TMEM218: variants seen among roughly 807,000 people sequenced by gnomAD.
The protein encoded by TMEM218 is transmembrane protein 218.
TMEM218 carries 8 observed loss-of-function variants against 10.0 expected under a neutral mutation model. The ratio of observed to expected loss-of-function variants is 0.80; its 90% CI spans 0.47 to 1.44. The LOEUF (loss-of-function observed/expected upper bound fraction) is 1.44. Ranked by LOEUF, TMEM218 falls within the 40% of genes most tolerant of loss-of-function variation. The probability of loss-of-function intolerance (pLI) is 0.00; values close to 1 mark genes in which losing one functional copy is unlikely to be tolerated. For missense variants in TMEM218, 110 were observed against 140.1 expected (o/e 0.79, Z 1.08); for synonymous variants, 66 against 63.5 (o/e 1.04, Z -0.18).
chr11:125,097,856 C>T, intron 4 of TMEM218, 116 bp from the exon 5 acceptor site: 1 of 955,988 alleles, frequency 1.0e-6, no homozygotes, highest in Non-Finnish European at 1.6e-6. Flanking sequence ...CTTCCAGTAA[C>T]ATCCTGCCCT....
intron 1 of TMEM218, among the ~76,000 whole-genome samples, chr11:125,106,494 A>G (rs1393385788): frequency 6.6e-6 from 1 of 152,244 alleles, no homozygotes; most frequent in Non-Finnish European, 1.5e-5. Flanking sequence ...ATTTTAATAT[A>G]TGTCTCAGAA....
At chr11:125,110,334 A>T (rs567577118) in intron 1 of TMEM218, among the ~76,000 whole-genome samples, 1 of 152,326 alleles carries the variant, frequency 6.6e-6, no homozygotes, top group Admixed American at 6.5e-5. Flanking sequence ...GAGTGAAAAA[A>T]AATAATTTAA....
intron 1 of TMEM218, among the ~76,000 whole-genome samples, chr11:125,110,148 T>C (rs7111592): frequency 0.44 from 66,632 of 152,020 alleles, 15,067 homozygotes; most frequent in Middle Eastern, 0.54. Context: ...ATAATATCTG[T>C]GATAATTTCC....
At chr11:125,103,421 T>C (rs1951344541) in intron 1 of TMEM218, 1 of 152,246 alleles carries the variant, frequency 6.6e-6, no homozygotes, top group Non-Finnish European at 1.5e-5. Flanking sequence ...ATCAGTGCTC[T>C]AGGGGAGAAT....
chr11:125,098,257 T>C (rs973606669), intron 4 of TMEM218, among the ~76,000 whole-genome samples: 1 of 151,774 alleles, frequency 6.6e-6, no homozygotes, highest in African/African-American at 2.4e-5. Context: ...AGCGGAAGAG[T>C]CCCATGCCAC....
intron 1 of TMEM218, chr11:125,110,854 G>A (rs1008489028): frequency 4.9e-5 from 7 of 142,740 alleles, no homozygotes; most frequent in African/African-American, 1.3e-4. Context: ...AAATAACGGG[G>A]GGGGGGGGTT....
At chr11:125,111,263 C>T (rs1953933372) in intron 1 of TMEM218, among the ~76,000 whole-genome samples, 1 of 152,200 alleles carries the variant, frequency 6.6e-6, no homozygotes, top group South Asian at 2.1e-4. Flanking sequence ...AGAATGTGCA[C>T]CTGGCCACCT....
At chr11:125,107,382 CATGTGTA>C (rs1952453412) in intron 1 of TMEM218, among the ~76,000 whole-genome samples, 2 of 152,084 alleles carry the variant, frequency 1.3e-5, no homozygotes, top group Non-Finnish European at 2.9e-5. Context: ...ATGTATCAGC[CATGTGTA>C]GTATATGGAC....
intron 1 of TMEM218, among the ~76,000 whole-genome samples, chr11:125,107,851 T>G (rs569734723): frequency 6.7e-6 from 1 of 150,328 alleles, no homozygotes; most frequent in Admixed American, 6.6e-5. Context: ...TGAGTAAGAT[T>G]TGTATAGCTA....
At chr11:125,099,921 CAAAAAAA>C in intron 4 of TMEM218, among the ~76,000 whole-genome samples, 1 of 100,360 alleles carries the variant, frequency 1.0e-5, no homozygotes, top group Non-Finnish European at 1.9e-5. Flanking sequence ...GAGACTGTCT[CAAAAAAA>C]AAAAAAAAAA....
rs1048755516 is a variant in TMEM218, at chr11:125,108,191, T to C, written c.-153+3348A>G. 3.9e-5 allele frequency among the ~76,000 whole-genome samples: 6 copies of C among 152,040 alleles called. No homozygotes were observed. Among genetic ancestry groups the C allele is most frequent in the Non-Finnish European group, 8.8e-5 (6 of 67,994 alleles). ...AGACACATTGAAAAACCAAAGTAAT[T>C]AAAACAGTGTGATAGTGGCACAAAG... On this transcript the variant is annotated intron_variant, in intron 1 of 4. Coordinates refer to ENST00000682305, the MANE Select transcript of TMEM218 (RefSeq NM_001258244.2). The surrounding 1 kb of genome is among the most constrained non-coding windows in gnomAD (Gnocchi z 5.3).
At position 125,094,399 on chromosome 11, in the gene TMEM218, A is replaced by G. The variant is rs1565405253; in HGVS notation, c.*3207T>C. Among the ~76,000 whole-genome samples, 1 of 152,246 alleles carries G rather than the reference A, an allele frequency of 6.6e-6. No individual in the cohort carries two copies. Among genetic ancestry groups the G allele is most frequent in the Admixed American group, 6.5e-5 (1 of 15,284 alleles). On this transcript the variant is annotated 3_prime_UTR_variant, in exon 5 of 5. Coordinates refer to ENST00000682305, the MANE Select transcript of TMEM218 (RefSeq NM_001258244.2). ...TTATTCATACTAAAATGATCATTAGAATCCTTTAATGAAACTTTTACCTTT... is the reference window on the plus strand; with the variant it reads ...TTATTCATACTAAAATGATCATTAGGATCCTTTAATGAAACTTTTACCTTT...
intron 3 of TMEM218, 73 bp from the exon 4 acceptor site, chr11:125,101,376 C>T: frequency 6.5e-7 from 1 of 1,527,960 alleles, no homozygotes. Context: ...TCTGGACAGT[C>T]TCTTCCTTGG....
At chr11:125,101,094 C>A in intron 4 of TMEM218, 107 bp downstream of exon 4, 2 of 853,672 alleles carry the variant, frequency 2.3e-6, no homozygotes, top group South Asian at 3.6e-5. Flanking sequence ...ACAATTCTGA[C>A]ATCTCAGGCA....
rs1047107391 is a variant in TMEM218 at position 125,102,490 on chromosome 11, T to C, written c.-76-173A>G. On this transcript the variant is annotated intron_variant, in intron 2 of 4. Transcript: ENST00000682305. The stretch of plus-strand genomic sequence containing the variant: ...ATTTAGAACCCAAAGCCTTTCTCTT[T>C]GGTGGGGACTGAGAGGGTGTTTTCC... The C allele has an allele frequency of 4.1e-6, 6 of 1,455,720 alleles. No homozygotes were observed. In the African/African-American group the frequency reaches 4.3e-5, roughly 10 times the overall value. The allele number at this position is 1,455,720 out of a possible 1,614,324, so 90.2% of individuals were successfully genotyped here.
Position 125,094,663 on chromosome 11 carries a change from C to T in TMEM218, c.*2943G>A, listed in dbSNP as rs1275923718. On this transcript the variant is annotated 3_prime_UTR_variant, in exon 5 of 5. Coordinates refer to ENST00000682305, the MANE Select transcript of TMEM218 (RefSeq NM_001258244.2). ...AATAATCACAGCAGGTTTCTTTACA[C>T]ATTGAGCAAAAAATAAACCAGAAAC... Among the ~76,000 whole-genome samples, 1 of 152,146 alleles carries T rather than the reference C, an allele frequency of 6.6e-6. No homozygotes were observed. Among genetic ancestry groups the T allele is most frequent in the Non-Finnish European group, 1.5e-5 (1 of 68,032 alleles).
At chr11:125,102,985 T>G (rs1403188115) in intron 1 of TMEM218, 176 bp from the exon 2 acceptor site, 3 of 244,456 alleles carry the variant, frequency 1.2e-5, no homozygotes, top group African/African-American at 6.8e-5. Flanking sequence ...AGTTTCCTAA[T>G]TAGCAGCTCA....
chr11:125,106,594 C>T lies in TMEM218; in HGVS notation c.-152-3785G>A, dbSNP rs371381331. Reference sequence around the variant, plus strand: ...AAATATGTAAAAAGGTGCTCAACTTCATTAGTCATCCGGAAATTGCAAATT... The same window carrying T: ...AAATATGTAAAAAGGTGCTCAACTTTATTAGTCATCCGGAAATTGCAAATT... On this transcript the variant is annotated intron_variant, in intron 1 of 4. Transcript: ENST00000682305. 1.2e-4 allele frequency among the ~76,000 whole-genome samples: 18 copies of T among 152,332 alleles called. No homozygotes were observed. In the East Asian group the frequency reaches 3.3e-3, roughly 28 times the overall value.
rs1038365707 is a variant in TMEM218 at position 125,102,516 on chromosome 11, G to A, written c.-76-199C>T. ...GGTGGGGACTGAGAGGGTGTTTTCC[G>A]CTCTGCGCTCAGAAGTTTTTTCTGA... is the stretch of plus-strand genomic sequence containing the variant. On this transcript the variant is annotated intron_variant, in intron 2 of 4. Transcript: ENST00000682305. 76 of 1,442,340 alleles carry A rather than the reference G, an allele frequency of 5.3e-5. No homozygotes were observed. In the Admixed American group the frequency reaches 1.4e-3, roughly 26 times the overall value. The allele number at this position is 1,442,340 out of a possible 1,614,324, so 89.3% of individuals were successfully genotyped here. A position where few individuals can be genotyped will look rare whatever the true frequency, so the allele number is the denominator to read the frequency against.
Sources: allele counts gnomAD v4.1 joint callset (sites outside exome capture counted in the v4.1 genomes callset), GRCh38; gene constraint gnomAD v4.1.1; non-coding constraint Gnocchi (gnomAD v3.1); transcripts MANE v1.5; gene names NCBI Gene and HGNC (gene_info 2026-07-23, HGNC 2026-07-21).